The following PTPRT variants were observed in gnomAD, a reference collection of about 807,000 sequenced individuals.
PTPRT encodes receptor-type tyrosine-protein phosphatase T.
PTPRT carries 56 observed loss-of-function variants against 176.8 expected under a neutral mutation model. The ratio of observed to expected loss-of-function variants is 0.32; its 90% CI spans 0.26 to 0.40. PTPRT has a LOEUF of 0.40. Among genes scored for constraint, PTPRT ranks in the 10% least tolerant of loss-of-function variants. The pLI is 1.00. For synonymous variants in PTPRT, 783 were observed against 739.0 expected, an observed-to-expected ratio of 1.06 and a Z score of -0.96; for missense variants, 1,540 against 1,908.2, an observed-to-expected ratio of 0.81 and a Z score of 3.60.
chr20:42,639,227 T>G (rs1202124332), intron 7 of PTPRT, among the ~76,000 whole-genome samples: 1 of 152,176 alleles, frequency 6.6e-6, no homozygotes, highest in Admixed American at 6.5e-5. Context: ...CATTTACATT[T>G]TTTTTTAAAT....
chr20:42,669,084 A>T (rs1218229892), intron 7 of PTPRT, among the ~76,000 whole-genome samples: 2 of 151,926 alleles, frequency 1.3e-5, no homozygotes, highest in African/African-American at 4.8e-5. Context: ...TCCCTTCTTT[A>T]GCTTTCATCT....
intron 2 of PTPRT, among the ~76,000 whole-genome samples, chr20:42,859,865 T>G (rs1305422158): frequency 6.6e-6 from 1 of 152,128 alleles, no homozygotes; most frequent in African/African-American, 2.4e-5. Context: ...GTGCTGGGAT[T>G]ACAGGCATGA....
At chr20:42,565,099 G>A (rs2073016631) in intron 7 of PTPRT, among the ~76,000 whole-genome samples, 1 of 152,034 alleles carries the variant, frequency 6.6e-6, no homozygotes, top group South Asian at 2.1e-4. Flanking sequence ...TGTTAGAGCT[G>A]GGACATGAAG....
At chr20:43,002,714 T>C (rs1259998405) in intron 1 of PTPRT, among the ~76,000 whole-genome samples, 3 of 152,010 alleles carry the variant, frequency 2.0e-5, no homozygotes, top group Non-Finnish European at 4.4e-5. Flanking sequence ...ACATGGAAAG[T>C]AGCCAAAGTA....
chr20:43,160,071 C>A (rs185004001), intron 1 of PTPRT, among the ~76,000 whole-genome samples: 1 of 152,036 alleles, frequency 6.6e-6, no homozygotes, highest in Non-Finnish European at 1.5e-5. Context: ...CAGGCCTGCC[C>A]GGTGCAACCC....
At chr20:42,169,560 A>T (rs775592076) in intron 16 of PTPRT, among the ~76,000 whole-genome samples, 1 of 152,066 alleles carries the variant, frequency 6.6e-6, no homozygotes, top group Non-Finnish European at 1.5e-5. Context: ...AACTAGTTGG[A>T]CAGTGAGGCA....
At chr20:43,120,564 C>A (rs1292562727) in intron 1 of PTPRT, among the ~76,000 whole-genome samples, 4 of 152,198 alleles carry the variant, frequency 2.6e-5, no homozygotes, top group Non-Finnish European at 4.4e-5. Context: ...AGCCACCACA[C>A]CCGGCCCAGA....
At chr20:42,544,862 C>G (rs1027360270) in intron 7 of PTPRT, among the ~76,000 whole-genome samples, 6 of 152,164 alleles carry the variant, frequency 3.9e-5, no homozygotes, top group African/African-American at 1.4e-4. Context: ...TTATGTTGCC[C>G]AGGCTGGTCT....
Position 42,949,049 on chromosome 20 carries a change from T to A in PTPRT, c.89-63117A>T, listed in dbSNP as rs893421134. Among the ~76,000 whole-genome samples, 6 of 152,174 alleles carry A rather than the reference T, an allele frequency of 3.9e-5. No individual in the cohort carries two copies. The South Asian group carries it at 1.2e-3, about 32-fold the overall frequency. On this transcript the variant is annotated intron_variant, in intron 1 of 30. Coordinates refer to ENST00000373187, the MANE Select transcript of PTPRT (RefSeq NM_007050.6). Reference sequence around the variant, plus strand: ...GGATATCCTGCCAACTACAACCCTATTACAAATGTTGACTTCCTCTCTACT... The same window carrying A: ...GGATATCCTGCCAACTACAACCCTAATACAAATGTTGACTTCCTCTCTACT...
chr20:42,513,057 A>G (rs2071987289), intron 7 of PTPRT, among the ~76,000 whole-genome samples: 1 of 152,044 alleles, frequency 6.6e-6, no homozygotes, highest in Non-Finnish European at 1.5e-5. Context: ...ACAGGGTTTC[A>G]CCATGTTGGC....
At chr20:42,523,393 T>C (rs778041946) in intron 7 of PTPRT, among the ~76,000 whole-genome samples, 3 of 152,220 alleles carry the variant, frequency 2.0e-5, no homozygotes, top group Non-Finnish European at 4.4e-5. Flanking sequence ...AGAAATTTTA[T>C]TTGAATGTCT....
At chr20:42,085,170 A>T (rs1193725604) in intron 28 of PTPRT, among the ~76,000 whole-genome samples, 1 of 152,078 alleles carries the variant, frequency 6.6e-6, no homozygotes, top group Non-Finnish European at 1.5e-5. Context: ...GTGCCAGAAC[A>T]TGTCTCACTG....
intron 12 of PTPRT, among the ~76,000 whole-genome samples, chr20:42,283,771 C>T (rs960984325): frequency 6.6e-6 from 1 of 152,054 alleles, no homozygotes; most frequent in African/African-American, 2.4e-5. Context: ...ATGGCCATGC[C>T]TAATTTTAGT....
chr20:42,128,795 C>T lies in PTPRT; in HGVS notation c.2806G>A (p.Gly936Arg), dbSNP rs1238347113. 8 of 1,607,220 alleles carry T rather than the reference C, an allele frequency of 5.0e-6. No homozygotes were observed. The highest frequency in any genetic ancestry group is 1.1e-5 in the South Asian group (1 of 90,014). Residue 936 changes from glycine (G) to arginine (R), a missense_variant, in exon 19 of 31, where the codon GGA (glycine) becomes AGA (arginine). By Grantham distance (125) the Gly-to-Arg change is moderately radical. Transcript: ENST00000373187. ...TTGATGTAGTCAGAGTGCGGGTCTCCATCCAGCACCAGCAGCCTCACCCGG... is the reference window on the plus strand; with the variant it reads ...TTGATGTAGTCAGAGTGCGGGTCTCTATCCAGCACCAGCAGCCTCACCCGG... ...HSRVRLLVLD[G>R]DPHSDYINAN...
chr20:42,540,295 T>A (rs2072554748), intron 7 of PTPRT, among the ~76,000 whole-genome samples: 1 of 151,908 alleles, frequency 6.6e-6, no homozygotes, highest in Non-Finnish European at 1.5e-5. Context: ...CTTCCCTGAG[T>A]GTGAGAGTCA....
intron 9 of PTPRT, among the ~76,000 whole-genome samples, chr20:42,426,186 G>A (rs2059162165): frequency 6.6e-6 from 1 of 152,054 alleles, no homozygotes; most frequent in Non-Finnish European, 1.5e-5. Flanking sequence ...CTCTTTTCAT[G>A]CCCAAATGTG....
chr20:42,401,754 C>A (rs989794296), intron 9 of PTPRT, among the ~76,000 whole-genome samples: 1 of 152,140 alleles, frequency 6.6e-6, no homozygotes, highest in African/African-American at 2.4e-5. Flanking sequence ...ATGTTAAATC[C>A]CCAGGCATCA....
chr20:43,148,069 C>T (rs561536235), intron 1 of PTPRT, among the ~76,000 whole-genome samples: 43 of 151,016 alleles, frequency 2.8e-4, no homozygotes, highest in African/African-American at 7.6e-4. Flanking sequence ...GAAGTGTACA[C>T]GTGCAATCTA....
intron 7 of PTPRT, among the ~76,000 whole-genome samples, chr20:42,567,311 A>G (rs565274852): frequency 3.4e-4 from 52 of 152,004 alleles, no homozygotes; most frequent in Admixed American, 5.9e-4. Flanking sequence ...GAGAGAGAGA[A>G]AAAAAACGAT....
Sources: gnomAD v4.1 joint callset for allele counts (sites outside exome capture counted in the v4.1 genomes callset) on GRCh38, gnomAD v4.1.1 for gene constraint, MANE v1.5 for transcripts, NCBI Gene and HGNC (gene_info 2026-07-23, HGNC 2026-07-21) for gene names.